Variants in CACNA2D3 observed in about 807,000 individuals in gnomAD.
CACNA2D3 encodes the protein voltage-dependent calcium channel subunit alpha-2/delta-3.
Under a neutral mutation model 160.6 loss-of-function variants are expected in CACNA2D3, and 60 were observed. The observed-to-expected ratio is 0.37, with a 90% CI of 0.30 to 0.46. CACNA2D3 has a LOEUF of 0.46. CACNA2D3 is among the 20% of genes least tolerant of loss of function. The pLI, the probability that CACNA2D3 is intolerant of heterozygous loss-of-function variation, is 1.00. For synonymous variants in CACNA2D3, 558 were observed against 492.9 expected, an observed-to-expected ratio of 1.13 and a Z score of -1.75; for missense variants, 1,205 against 1,365.0, an observed-to-expected ratio of 0.88 and a Z score of 1.85.
chr3:54,179,843 G>T (rs1700748740), intron 2 of CACNA2D3, among the ~76,000 whole-genome samples: 1 of 152,126 alleles, frequency 6.6e-6, no homozygotes, highest in African/African-American at 2.4e-5. Flanking sequence ...CTTGGGCTTT[G>T]AGCCTCCAGA....
intron 21 of CACNA2D3, among the ~76,000 whole-genome samples, chr3:54,883,815 C>CTCTCTCTCTCTCTCTCTCTCTCTT (rs1428502988): frequency 2.9e-4 from 41 of 142,472 alleles, no homozygotes; most frequent in African/African-American, 1.0e-3. Flanking sequence ...CTCTCTCTCT[C>CTCTCTCTCTCTCTCTCTCTCTCTT]TCTCTCTCCT....
chr3:54,997,360 A>T (rs529227101), intron 31 of CACNA2D3, among the ~76,000 whole-genome samples: 6 of 152,052 alleles, frequency 3.9e-5, no homozygotes, highest in Non-Finnish European at 1.5e-5. Context: ...CCCCAGACTA[A>T]TGAAATATTG....
At chr3:54,454,139 T>C (rs59114569) in intron 4 of CACNA2D3, among the ~76,000 whole-genome samples, 2,920 of 152,300 alleles carry the variant, frequency 0.019, 104 homozygotes, top group African/African-American at 0.067. Context: ...AGTAATTATA[T>C]GTGGTAGCCC....
At chr3:54,510,803 G>A (rs73841631) in intron 5 of CACNA2D3, among the ~76,000 whole-genome samples, 3,977 of 152,278 alleles carry the variant, frequency 0.026, 174 homozygotes, top group African/African-American at 0.09. Context: ...TGAAGGTGCA[G>A]CATCCAGCAG....
chr3:54,557,994 A>G (rs2106697973), intron 5 of CACNA2D3, among the ~76,000 whole-genome samples: 1 of 152,294 alleles, frequency 6.6e-6, no homozygotes, highest in South Asian at 2.1e-4. Context: ...CTGGCCCTGG[A>G]GCCATTCTGT....
intron 2 of CACNA2D3, among the ~76,000 whole-genome samples, chr3:54,159,099 A>T (rs1032464220): frequency 6.6e-6 from 1 of 152,094 alleles, no homozygotes; most frequent in Non-Finnish European, 1.5e-5. Flanking sequence ...CCCTCTTTAA[A>T]TTATTCTTGT....
At chr3:54,918,347 TTTTTTTTTGTC>T in intron 27 of CACNA2D3, 1 of 389,702 alleles carries the variant, frequency 2.6e-6, no homozygotes, top group South Asian at 7.8e-5. Context: ...TTTTTTTTTT[TTTTTTTTTGTC>T]TTTTGGCAAA....
chr3:54,591,496 C>G (rs1161540366), intron 9 of CACNA2D3, among the ~76,000 whole-genome samples: 1 of 151,316 alleles, frequency 6.6e-6, no homozygotes, highest in Non-Finnish European at 1.5e-5. Flanking sequence ...GATAGATGTT[C>G]CATAGAAGCA....
intron 2 of CACNA2D3, among the ~76,000 whole-genome samples, chr3:54,304,303 C>T (rs950019398): frequency 6.6e-6 from 1 of 152,130 alleles, no homozygotes; most frequent in African/African-American, 2.4e-5. Flanking sequence ...TTCACTACAC[C>T]CACCCCATGG....
rs117256505 is a variant in CACNA2D3, at chr3:54,604,815, T to C, written c.963+22938T>C. ...CACGCAAGAGACAGAGTGCTGTGCC[T>C]TGTTAACATAAACATCAGATCACAT... On this transcript the variant is annotated intron_variant, in intron 9 of 37. Coordinates refer to ENST00000474759, the MANE Select transcript of CACNA2D3 (RefSeq NM_018398.3). 9.8e-5 allele frequency among the ~76,000 whole-genome samples: 15 copies of C among 152,312 alleles called. No homozygotes were observed. The East Asian group carries it at 1.9e-3, about 20-fold the overall frequency.
Position 54,910,328 on chromosome 3 carries a change from G to T in CACNA2D3, c.2449+10460G>T, listed in dbSNP as rs116698161. Among the ~76,000 whole-genome samples the T allele has an allele frequency of 3.5e-3, 540 of 152,194 alleles. 5 individuals are homozygous for T. The highest frequency in any genetic ancestry group is 0.012 in the African/African-American group (494 of 41,516). On this transcript the variant is annotated intron_variant, in intron 27 of 37. Coordinates refer to ENST00000474759, the MANE Select transcript of CACNA2D3 (RefSeq NM_018398.3). ...AGTATTCTGTTACATTATTTTATTT[G>T]TGTGATGCATTACTCATTCTTTTAT... is the stretch of plus-strand genomic sequence containing the variant.
chr3:55,056,412 T>G (rs358060), intron 35 of CACNA2D3, among the ~76,000 whole-genome samples: 66,571 of 151,912 alleles, frequency 0.44, 15,282 homozygotes, highest in East Asian at 0.59. Flanking sequence ...CCTTAAAAAC[T>G]AAAAATAGAA....
chr3:54,821,644 C>CTTTCTTTCTT lies in CACNA2D3; in HGVS notation c.1398+4776_1398+4785dup, dbSNP rs1315779127. On this transcript the variant is annotated intron_variant, in intron 14 of 37. Transcript: ENST00000474759. The stretch of plus-strand genomic sequence containing the variant: ...CTTCGTTTTTCTAGAGTCTTTCGTT[C>CTTTCTTTCTT]TTTCTTTCTTTCTTTCTTTCTTTCT... 1.4e-3 allele frequency among the ~76,000 whole-genome samples: 44 copies of CTTTCTTTCTT among 30,710 alleles called. 1 individual carries two copies. The highest frequency in any genetic ancestry group is 2.8e-3 in the South Asian group (2 of 710). 20.1% of individuals were successfully genotyped at this position (30,710 alleles called of 152,430 possible).
At chr3:54,127,561 G>A (rs1006708011) in intron 2 of CACNA2D3, among the ~76,000 whole-genome samples, 1 of 152,176 alleles carries the variant, frequency 6.6e-6, no homozygotes, top group Non-Finnish European at 1.5e-5. Context: ...TTGCTCTTGT[G>A]GGGGAGGCGC....
At chr3:54,359,960 A>G (rs576727373) in intron 3 of CACNA2D3, among the ~76,000 whole-genome samples, 1 of 152,320 alleles carries the variant, frequency 6.6e-6, no homozygotes, top group Non-Finnish European at 1.5e-5. Flanking sequence ...TACTAGGTGA[A>G]GGACATGTAT....
chr3:54,810,808 TG>T (rs1703287703), intron 13 of CACNA2D3, among the ~76,000 whole-genome samples: 1 of 152,220 alleles, frequency 6.6e-6, no homozygotes, highest in Non-Finnish European at 1.5e-5. Flanking sequence ...ATCACCCCCA[TG>T]GGTCTGTGTG....
chr3:55,069,902 A>G (rs1249710120), intron 35 of CACNA2D3, among the ~76,000 whole-genome samples: 1 of 152,228 alleles, frequency 6.6e-6, no homozygotes, highest in Non-Finnish European at 1.5e-5. Flanking sequence ...ACAGGTTATA[A>G]TGATACTTTG....
chr3:54,846,102 AAAAAG>A (rs940936995), intron 16 of CACNA2D3, among the ~76,000 whole-genome samples: 6 of 152,218 alleles, frequency 3.9e-5, no homozygotes, highest in African/African-American at 1.4e-4. Flanking sequence ...TTGTTAAAAA[AAAAAG>A]GTAATTGTTT....
chr3:54,491,233 C>T (rs149362355), intron 4 of CACNA2D3, among the ~76,000 whole-genome samples: 10 of 152,096 alleles, frequency 6.6e-5, no homozygotes, highest in African/African-American at 1.7e-4. Flanking sequence ...AGCTCAGGTG[C>T]GCCTCTTAGG....
Sources: allele counts gnomAD v4.1 joint callset (sites outside exome capture counted in the v4.1 genomes callset), GRCh38; gene constraint gnomAD v4.1.1; transcripts MANE v1.5; gene names NCBI Gene and HGNC (gene_info 2026-07-23, HGNC 2026-07-21).